Variants in ARHGEF7 observed in about 807,000 individuals in gnomAD.
ARHGEF7 encodes the protein PAK-interacting exchange factor beta.
Under a neutral mutation model 109.8 loss-of-function variants are expected in ARHGEF7, and 33 were observed. That is an observed-to-expected ratio of 0.30 (90% CI 0.23 to 0.40). The LOEUF is 0.40. Ranked by LOEUF, ARHGEF7 falls within the 10% of genes least tolerant of loss-of-function variation. The pLI is 1.00. For missense variants in ARHGEF7, 938 were observed against 1,098.5 expected (o/e 0.85, Z 2.07); for synonymous variants, 458 against 424.6 (o/e 1.08, Z -0.97).
intron 1 of ARHGEF7, among the ~76,000 whole-genome samples, chr13:111,146,111 C>T (rs2153365335): frequency 6.6e-6 from 1 of 152,278 alleles, no homozygotes; most frequent in South Asian, 2.1e-4. Flanking sequence ...GAACCACATG[C>T]ATTCAGAGGA....
At chr13:111,293,831 A>G (rs1355093505) in intron 19 of ARHGEF7, 9 of 985,222 alleles carry the variant, frequency 9.1e-6, no homozygotes, top group Non-Finnish European at 1.1e-5. Context: ...GTTTGTGCAG[A>G]GTGAACTCTG....
intron 15 of ARHGEF7, among the ~76,000 whole-genome samples, chr13:111,281,307 G>A (rs1365023874): frequency 3.4e-5 from 5 of 146,918 alleles, no homozygotes; most frequent in African/African-American, 7.6e-5. Flanking sequence ...TTTAACAGTC[G>A]TCATCTTTAT....
intron 5 of ARHGEF7, among the ~76,000 whole-genome samples, chr13:111,227,488 A>AT (rs1841794578): frequency 6.6e-6 from 1 of 152,336 alleles, no homozygotes; most frequent in East Asian, 1.9e-4. Context: ...GATTGTTAGC[A>AT]TTTTTTTAGA....
At chr13:111,213,988 T>G (rs2082810517) in intron 4 of ARHGEF7, among the ~76,000 whole-genome samples, 1 of 152,180 alleles carries the variant, frequency 6.6e-6, no homozygotes, top group African/African-American at 2.4e-5. Context: ...GAAAGAACAT[T>G]ACAGAGCCCA....
chr13:111,172,456 G>A (rs1043369533), intron 2 of ARHGEF7, among the ~76,000 whole-genome samples: 1 of 152,166 alleles, frequency 6.6e-6, no homozygotes, highest in Non-Finnish European at 1.5e-5. Flanking sequence ...GTCACGTGGT[G>A]GTGCCGCTCT....
In ARHGEF7 at chr13:111,280,447, TTTAAGCGC is replaced by T. The variant is rs2092717949; in HGVS notation, c.1586-89_1586-82del. On this transcript the variant is annotated intron_variant, in intron 14 of 21. Transcript: ENST00000646102. ...TGCTTGCGTATTTCAGAAGGTGGTG[TTTAAGCGC>T]TGAGTGGAATTCTGGGGGGTGTGCA... The T allele has an allele frequency of 2.5e-6, 4 of 1,584,832 alleles. No individual in the cohort carries two copies. The African/African-American group carries it at 5.4e-5, about 22-fold the overall frequency.
At chr13:111,132,218 C>A (rs966955437) in intron 1 of ARHGEF7, among the ~76,000 whole-genome samples, 5 of 152,160 alleles carry the variant, frequency 3.3e-5, no homozygotes, top group Non-Finnish European at 7.4e-5. Context: ...AAAGTGTGTT[C>A]TTTTCCTTCC....
intron 1 of ARHGEF7, among the ~76,000 whole-genome samples, chr13:111,127,069 A>G (rs1356494010): frequency 6.6e-6 from 1 of 152,234 alleles, no homozygotes; most frequent in Non-Finnish European, 1.5e-5. Flanking sequence ...GACAGAAATT[A>G]CCAACGTAAG....
chr13:111,206,782 A>G (rs1477955248), intron 3 of ARHGEF7, among the ~76,000 whole-genome samples: 6 of 151,960 alleles, frequency 3.9e-5, no homozygotes, highest in Non-Finnish European at 5.9e-5. Context: ...TAACACGGTG[A>G]AACCCCGTCT....
In ARHGEF7 at chr13:111,217,705, A is replaced by C. The variant is rs2083306009; in HGVS notation, c.495A>C (p.Gln165His). Residue 165 changes from glutamine (Q) to histidine (H), a missense_variant, in exon 5 of 22, where the codon CAA (glutamine) becomes CAC (histidine). By Grantham distance (24) the Gln-to-His change is conservative. Transcript: ENST00000646102. ...SLDMTDNSNN[Q>H]LVVRAKFNFQ... ...ACATGACCGATAATAGCAACAATCA[A>C]CTGGTAGTAAGAGCAAAGTTTAACT... is the stretch of plus-strand genomic sequence containing the variant. The C allele has an allele frequency of 6.2e-7, 1 of 1,614,106 alleles. No homozygotes were observed. The highest frequency in any genetic ancestry group is 8.5e-7 in the Non-Finnish European group (1 of 1,180,042).
At chr13:111,283,112 G>A in intron 15 of ARHGEF7, 27 bp from the exon 16 acceptor site, 2 of 1,560,956 alleles carry the variant, frequency 1.3e-6, no homozygotes, top group Non-Finnish European at 1.7e-6. Flanking sequence ...CATGTTCTCT[G>A]CCCTTCCCGC....
At chr13:111,193,374 T>TTTCCTTCTGCCTTTTCTCCTTCAC (rs1368752094) in intron 2 of ARHGEF7, among the ~76,000 whole-genome samples, 17 of 152,190 alleles carry the variant, frequency 1.1e-4, no homozygotes, top group Non-Finnish European at 2.1e-4. Context: ...TGCCCTGCGG[T>TTTCCTTCTGCCTTTTCTCCTTCAC]TTCCTTCTGC....
chr13:111,236,192 A>G (rs1431934455), intron 6 of ARHGEF7, among the ~76,000 whole-genome samples: 1 of 152,232 alleles, frequency 6.6e-6, no homozygotes, highest in Non-Finnish European at 1.5e-5. Context: ...AATTAGTCAA[A>G]TATAGACAAT....
At chr13:111,170,297 C>G (rs1381937270) in intron 2 of ARHGEF7, among the ~76,000 whole-genome samples, 1 of 152,180 alleles carries the variant, frequency 6.6e-6, no homozygotes, top group African/African-American at 2.4e-5. Context: ...GAGGTCTTGC[C>G]ATGTTGGCCA....
At chr13:111,135,887 A>G in intron 1 of ARHGEF7, among the ~76,000 whole-genome samples, 1 of 152,138 alleles carries the variant, frequency 6.6e-6, no homozygotes, top group Non-Finnish European at 1.5e-5. Flanking sequence ...TTTCCAAGGG[A>G]ATGCTTCCAG....
chr13:111,186,561 T>C (rs1277088343), intron 2 of ARHGEF7, among the ~76,000 whole-genome samples: 1 of 152,216 alleles, frequency 6.6e-6, no homozygotes, highest in Non-Finnish European at 1.5e-5. Flanking sequence ...CCCAACAATA[T>C]GGACCATTTG....
chr13:111,267,340 G>A (rs1360561989), intron 8 of ARHGEF7, among the ~76,000 whole-genome samples: 1 of 152,000 alleles, frequency 6.6e-6, no homozygotes, highest in Non-Finnish European at 1.5e-5. Context: ...TGCTGGAGAG[G>A]ACCTGGCAGC....
chr13:111,274,687 G>A (rs764030064), intron 10 of ARHGEF7, 44 bp from the exon 11 acceptor site: 9 of 1,264,614 alleles, frequency 7.1e-6, no homozygotes, highest in Non-Finnish European at 9.7e-6. Flanking sequence ...TTTAAGAAAA[G>A]CTTTTCCTTA....
chr13:111,163,706 G>T (rs1399970142), intron 2 of ARHGEF7, among the ~76,000 whole-genome samples: 1 of 151,912 alleles, frequency 6.6e-6, no homozygotes, highest in Admixed American at 6.6e-5. Flanking sequence ...GCTAATTTTT[G>T]TATTTTTTTG....
Sources: gnomAD v4.1 joint callset for allele counts (sites outside exome capture counted in the v4.1 genomes callset) on GRCh38, gnomAD v4.1.1 for gene constraint, MANE v1.5 for transcripts, NCBI Gene and HGNC (gene_info 2026-07-23, HGNC 2026-07-21) for gene names.